CIRSR: variants seen among roughly 807,000 people sequenced by gnomAD.
CIRSR encodes the protein CBF1 (RBPJ) interacting corepressor 1.
chr2:174,348,839 C>T, the CIRSR span: 1 of 1,614,060 alleles, frequency 6.2e-7, no homozygotes, highest in Non-Finnish European at 8.5e-7. Context: ...GTTTTAAGAA[C>T]CTGGGCTTTT....
chr2:174,388,402 T>C, the CIRSR span, among the ~76,000 whole-genome samples: 1 of 152,168 alleles, frequency 6.6e-6, no homozygotes, highest in African/African-American at 2.4e-5. Context: ...GGTTTCGCTA[T>C]GTTGGCCAGG....
chr2:174,350,872 T>A, the CIRSR span: 1 of 699,038 alleles, frequency 1.4e-6, no homozygotes, highest in Non-Finnish European at 2.2e-6. Flanking sequence ...ATATTTTGGA[T>A]TGGGAAGTGG....
the CIRSR span, chr2:174,378,909 T>C: frequency 9.1e-6 from 14 of 1,546,916 alleles, no homozygotes; most frequent in Middle Eastern, 4.3e-4. Context: ...AAACAAATCA[T>C]GTCTAGTGCC....
At chr2:174,387,310 C>T in the CIRSR span, 313 of 166,460 alleles carry the variant, frequency 1.9e-3, 1 homozygote, top group African/African-American at 7.0e-3. Context: ...CAATGACATG[C>T]GTGTCAAATA....
At chr2:174,383,894 T>G in the CIRSR span, among the ~76,000 whole-genome samples, 23 of 149,082 alleles carry the variant, frequency 1.5e-4, no homozygotes, top group East Asian at 2.1e-3. Flanking sequence ...AGAGAGGATA[T>G]GGAGAAACTG....
the CIRSR span, chr2:174,348,779 T>G: frequency 6.2e-7 from 1 of 1,614,226 alleles, no homozygotes. Context: ...TTCTGGACTT[T>G]TTGTCAGAAT....
the CIRSR span, among the ~76,000 whole-genome samples, chr2:174,363,650 C>T: frequency 1.3e-5 from 2 of 152,184 alleles, no homozygotes; most frequent in South Asian, 4.1e-4. Flanking sequence ...GGAAGCCTCA[C>T]AATCATGGTG....
chr2:174,352,889 G>A, the CIRSR span, among the ~76,000 whole-genome samples: 1 of 152,182 alleles, frequency 6.6e-6, no homozygotes, highest in African/African-American at 2.4e-5. Context: ...GAGTTCTTTA[G>A]TTTGCTGGTT....
the CIRSR span, chr2:174,351,979 C>T: frequency 1.3e-5 from 4 of 304,640 alleles, no homozygotes; most frequent in African/African-American, 2.2e-5. Flanking sequence ...GAAAAAGATA[C>T]ATTTAGATGT....
chr2:174,359,210 A>C, the CIRSR span, among the ~76,000 whole-genome samples: 3 of 152,128 alleles, frequency 2.0e-5, no homozygotes, highest in African/African-American at 7.2e-5. Flanking sequence ...GGCAGCCTGG[A>C]AAAGGACAGA....
chr2:174,369,859 A>T, the CIRSR span: 6 of 1,121,424 alleles, frequency 5.4e-6, 1 homozygote, highest in South Asian at 8.7e-5. Flanking sequence ...CTGAGCACAG[A>T]TCACCATAAT....
the CIRSR span, among the ~76,000 whole-genome samples, chr2:174,362,647 A>C: frequency 1.0e-4 from 13 of 130,080 alleles, no homozygotes; most frequent in Admixed American, 3.5e-4. Flanking sequence ...AGATCACGCC[A>C]CTGCACTCCA....
At chr2:174,351,108 A>T in the CIRSR span, among the ~76,000 whole-genome samples, 19 of 152,242 alleles carry the variant, frequency 1.2e-4, no homozygotes, top group Non-Finnish European at 2.6e-4. Context: ...ATAAAAAAGA[A>T]GATTATGAGT....
the CIRSR span, among the ~76,000 whole-genome samples, chr2:174,371,404 A>G: frequency 6.6e-6 from 1 of 152,238 alleles, no homozygotes; most frequent in Non-Finnish European, 1.5e-5. Flanking sequence ...AGAGTCAATG[A>G]TAAGAATAAG....
chr2:174,376,546 C>G, the CIRSR span, among the ~76,000 whole-genome samples: 1 of 145,544 alleles, frequency 6.9e-6, no homozygotes, highest in African/African-American at 2.6e-5. Context: ...ATCTGTAATC[C>G]CAGGACTTTG....
the CIRSR span, among the ~76,000 whole-genome samples, chr2:174,390,849 C>T: frequency 6.6e-6 from 1 of 152,122 alleles, no homozygotes; most frequent in Non-Finnish European, 1.5e-5. Flanking sequence ...TTGCTGTCAC[C>T]ATGTGAAGAA....
the CIRSR span, chr2:174,379,026 C>A: frequency 6.2e-7 from 1 of 1,612,338 alleles, no homozygotes; most frequent in Admixed American, 1.7e-5. Flanking sequence ...ATTTAATGCA[C>A]CTCACATTTC....
At chr2:174,380,054 T>G in the CIRSR span, 1 of 531,934 alleles carries the variant, frequency 1.9e-6, no homozygotes, top group Non-Finnish European at 3.3e-6. Context: ...CTACTACATT[T>G]TATGTTTTCT....
At chr2:174,379,180 G>A in the CIRSR span, 4 of 622,304 alleles carry the variant, frequency 6.4e-6, no homozygotes, top group Non-Finnish European at 1.1e-5. Flanking sequence ...ACTATGTTTG[G>A]TAATTTAATA....
Sources: gnomAD v4.1 joint callset for allele counts (sites outside exome capture counted in the v4.1 genomes callset) on GRCh38, gnomAD v4.1.1 for gene constraint, MANE v1.5 for transcripts, NCBI Gene and HGNC (gene_info 2026-07-23, HGNC 2026-07-21) for gene names.